RSPO3: variants seen among roughly 807,000 people sequenced by gnomAD.
The protein encoded by RSPO3 is R-spondin-3.
In RSPO3, 17 loss-of-function variants were observed where a neutral mutation model predicts 36.5. The ratio of observed to expected loss-of-function variants is 0.47; its 90% CI spans 0.32 to 0.70. The LOEUF is 0.70. Among genes scored for constraint, RSPO3 ranks in the 30% least tolerant of loss-of-function variants. RSPO3 has a pLI of 0.04. For missense variants in RSPO3, 294 were observed against 322.5 expected (o/e 0.91, Z 0.68); for synonymous variants, 108 against 107.0 (o/e 1.01, Z -0.06).
rs142955882 is a variant in RSPO3 at position 127,146,210 on chromosome 6, A to C, written c.98-2438A>C. On this transcript the variant is annotated intron_variant, in intron 1 of 4. Coordinates refer to ENST00000356698, the MANE Select transcript of RSPO3 (RefSeq NM_032784.5). ...TTCAAAATTCACTGATTAAAACATA[A>C]AATTTTATTGCAAGTTGGGACAACT... Among the ~76,000 whole-genome samples, 362 of 152,300 alleles carry C rather than the reference A, an allele frequency of 2.4e-3. 1 individual carries two copies. The highest frequency in any genetic ancestry group is 7.7e-3 in the African/African-American group (320 of 41,576).
chr6:127,128,978 T>C (rs1773997419), intron 1 of RSPO3, among the ~76,000 whole-genome samples: 1 of 152,114 alleles, frequency 6.6e-6, no homozygotes, highest in Non-Finnish European at 1.5e-5. Flanking sequence ...TTTTCAAAGC[T>C]ACTTAATAAT....
intron 1 of RSPO3, among the ~76,000 whole-genome samples, chr6:127,120,446 TC>T (rs1263540892): frequency 6.6e-6 from 1 of 152,216 alleles, no homozygotes; most frequent in Non-Finnish European, 1.5e-5. Context: ...CTCTGGGCTC[TC>T]GCACCTCCGC....
In RSPO3 at chr6:127,155,373, G is replaced by A; in HGVS notation, c.569G>A (p.Cys190Tyr). 1 of 1,613,814 alleles carries A rather than the reference G, an allele frequency of 6.2e-7. No homozygotes were observed. The highest frequency in any genetic ancestry group is 8.5e-7 in the Non-Finnish European group (1 of 1,179,868). Residue 190 changes from cysteine to tyrosine, a missense_variant, in exon 4 of 5, where the codon TGT becomes TAT. Around this residue, in one of 3 missense-constraint regions of RSPO3, gnomAD observed 190 missense variants for 185.2 expected, o/e 1.03. Transcript: ENST00000356698. ...CATCCTTCAGCAAAGGGTAACCTGT[G>A]TCCCCCAACAAATGAGACAAGAAAG... ...IQHPSAKGNL[C>Y]PPTNETRKCT...
chr6:127,123,379 A>G (rs772397692), intron 1 of RSPO3, among the ~76,000 whole-genome samples: 4 of 152,182 alleles, frequency 2.6e-5, no homozygotes, highest in Non-Finnish European at 5.9e-5. Flanking sequence ...ACAGTGTTTT[A>G]AAGATACAGA....
chr6:127,176,413 A>T (rs1335123502), intron 4 of RSPO3, among the ~76,000 whole-genome samples: 1 of 151,916 alleles, frequency 6.6e-6, no homozygotes, highest in South Asian at 2.1e-4. Context: ...GGGCTCCAAC[A>T]TCAAGGAACT....
chr6:127,192,807 A>G, intron 4 of RSPO3: 1 of 536,942 alleles, frequency 1.9e-6, no homozygotes. Flanking sequence ...TATATGTCAG[A>G]TTGTCATAAC....
At chr6:127,168,388 G>A (rs541362320) in intron 4 of RSPO3, among the ~76,000 whole-genome samples, 193 of 133,402 alleles carry the variant, frequency 1.4e-3, no homozygotes, top group African/African-American at 4.7e-3. Flanking sequence ...GTCTGTTGGC[G>A]CATAAATGTC....
intron 1 of RSPO3, among the ~76,000 whole-genome samples, chr6:127,148,327 T>C (rs767863199): frequency 2.0e-4 from 30 of 151,240 alleles, no homozygotes; most frequent in Non-Finnish European, 4.3e-4. Context: ...AGAGAATATA[T>C]ATAATTAGTT....
chr6:127,176,641 C>T (rs565348073), intron 4 of RSPO3, among the ~76,000 whole-genome samples: 29 of 151,582 alleles, frequency 1.9e-4, no homozygotes, highest in Non-Finnish European at 3.7e-4. Flanking sequence ...TTTTATGTGT[C>T]AACAGAAAGT....
intron 1 of RSPO3, among the ~76,000 whole-genome samples, chr6:127,120,152 C>T (rs1209759757): frequency 6.6e-6 from 1 of 152,168 alleles, no homozygotes; most frequent in Non-Finnish European, 1.5e-5. Context: ...AGACGGTGTC[C>T]TAGCTGGAAT....
At position 127,145,194 on chromosome 6, in the gene RSPO3, A is replaced by C. The variant is rs563192844; in HGVS notation, c.98-3454A>C. On this transcript the variant is annotated intron_variant, in intron 1 of 4. Coordinates refer to ENST00000356698, the MANE Select transcript of RSPO3 (RefSeq NM_032784.5). ...CTGGACCTAGAAACCCACCTTTTCA[A>C]ATCCTCTTTCTTGTTCAGCCTACAT... Among the ~76,000 whole-genome samples the C allele has an allele frequency of 1.5e-4, 23 of 152,136 alleles. 1 individual carries two copies. Among genetic ancestry groups the C allele is most frequent in the African/African-American group, 5.1e-4 (21 of 41,542 alleles).
chr6:127,167,230 C>T (rs1044733093), intron 4 of RSPO3, among the ~76,000 whole-genome samples: 3 of 151,874 alleles, frequency 2.0e-5, no homozygotes, highest in Non-Finnish European at 4.4e-5. Flanking sequence ...ATCGTCCCAT[C>T]ACCTATTAAG....
chr6:127,174,945 C>T (rs1310103227), intron 4 of RSPO3, among the ~76,000 whole-genome samples: 4 of 151,676 alleles, frequency 2.6e-5, no homozygotes, highest in African/African-American at 7.3e-5. Flanking sequence ...TTTAAACTAA[C>T]CATGGAATCA....
intron 4 of RSPO3, among the ~76,000 whole-genome samples, chr6:127,175,561 C>T (rs533503961): frequency 6.6e-6 from 1 of 151,840 alleles, no homozygotes; most frequent in East Asian, 1.9e-4. Context: ...AAACTTTATA[C>T]TTTTGGATCA....
In RSPO3 at chr6:127,196,618, TG is replaced by T. The variant is rs1447224205; in HGVS notation, c.*614del. On this transcript the variant is annotated 3_prime_UTR_variant, in exon 5 of 5. Transcript: ENST00000356698. ...GCATACCAGAATTGAATATACCATA[TG>T]GGATTGGAGAAAGACAAATGTGGAA... 1.3e-5 allele frequency: 2 copies of T among 152,204 alleles called. No homozygotes were observed. Among genetic ancestry groups the T allele is most frequent in the Non-Finnish European group, 2.9e-5 (2 of 68,048 alleles). 9.4% of individuals were successfully genotyped at this position (152,204 alleles called of 1,614,324 possible). A position where few individuals can be genotyped will look rare whatever the true frequency, so the allele number is the denominator to read the frequency against.
intron 4 of RSPO3, among the ~76,000 whole-genome samples, chr6:127,189,725 G>A (rs914367659): frequency 2.6e-5 from 4 of 152,146 alleles, no homozygotes; most frequent in African/African-American, 7.2e-5. Flanking sequence ...ATTTAGTAGA[G>A]TATGTAATGA....
intron 4 of RSPO3, among the ~76,000 whole-genome samples, chr6:127,187,884 C>T (rs2114262984): frequency 6.6e-6 from 1 of 152,190 alleles, no homozygotes; most frequent in South Asian, 2.1e-4. Context: ...ATATCCTTTA[C>T]TTTTATAATG....
At chr6:127,158,810 TAC>T (rs1774646826) in intron 4 of RSPO3, among the ~76,000 whole-genome samples, 1 of 152,168 alleles carries the variant, frequency 6.6e-6, no homozygotes, top group South Asian at 2.1e-4. Context: ...TATTCCCCTT[TAC>T]TTGACATGCT....
chr6:127,190,429 A>G (rs1454035013), intron 4 of RSPO3, among the ~76,000 whole-genome samples: 14 of 152,160 alleles, frequency 9.2e-5, no homozygotes, highest in Non-Finnish European at 2.1e-4. Flanking sequence ...ACTCCGTCTC[A>G]AAAACAAAAA....
Sources: gnomAD v4.1 joint callset for allele counts (sites outside exome capture counted in the v4.1 genomes callset) on GRCh38, gnomAD v4.1.1 for gene constraint, gnomAD v4.1.1 regional missense constraint, MANE v1.5 for transcripts, NCBI Gene and HGNC (gene_info 2026-07-23, HGNC 2026-07-21) for gene names.